TENM4: variants seen among roughly 807,000 people sequenced by gnomAD.
TENM4 encodes the protein teneurin-4.
Under a neutral mutation model 243.3 loss-of-function variants are expected in TENM4, and 82 were observed. The ratio of observed to expected loss-of-function variants is 0.34; its 90% CI spans 0.28 to 0.40. The LOEUF (loss-of-function observed/expected upper bound fraction) is 0.40, where lower values mean the gene tolerates loss of function less well. TENM4 is among the 10% of genes least tolerant of loss of function. The pLI, the probability that TENM4 is intolerant of heterozygous loss-of-function variation, is 1.00. For synonymous variants in TENM4, 1,412 were observed against 1,456.3 expected (o/e 0.97, Z 0.69); for missense variants, 3,138 against 3,673.3 (o/e 0.85, Z 3.77).
chr11:79,010,653 A>C (rs886719879), intron 6 of TENM4, among the ~76,000 whole-genome samples: 6 of 152,158 alleles, frequency 3.9e-5, no homozygotes, highest in African/African-American at 1.4e-4. Flanking sequence ...CCCCCTTATT[A>C]AACCTTCAGA....
intron 24 of TENM4, among the ~76,000 whole-genome samples, chr11:78,721,886 C>T (rs763073888): frequency 6.6e-6 from 1 of 152,106 alleles, no homozygotes; most frequent in Non-Finnish European, 1.5e-5. Flanking sequence ...GACCCCTAAG[C>T]CCACCCTATG....
intron 1 of TENM4, among the ~76,000 whole-genome samples, chr11:79,429,706 C>T (rs1294063952): frequency 6.6e-6 from 1 of 152,152 alleles, no homozygotes; most frequent in Non-Finnish European, 1.5e-5. Flanking sequence ...ATGGACTTAA[C>T]TGCAATATAT....
At chr11:79,083,561 A>G (rs1301467349) in intron 4 of TENM4, among the ~76,000 whole-genome samples, 1 of 152,140 alleles carries the variant, frequency 6.6e-6, no homozygotes, top group Admixed American at 6.5e-5. Flanking sequence ...CCCTTGTTTG[A>G]GCTCCCGTGA....
intron 4 of TENM4, among the ~76,000 whole-genome samples, chr11:79,091,502 A>T (rs1860948754): frequency 6.6e-6 from 1 of 152,158 alleles, no homozygotes; most frequent in Admixed American, 6.5e-5. Context: ...CTAAAAAGCA[A>T]ATCAGACCAC....
Position 78,864,124 on chromosome 11 carries a change from A to G in TENM4, c.1085-992T>C, listed in dbSNP as rs937712602. Among the ~76,000 whole-genome samples the G allele has an allele frequency of 3.9e-5, 6 of 152,226 alleles. No homozygotes were observed. The East Asian group carries it at 9.6e-4, about 24-fold the overall frequency. On this transcript the variant is annotated intron_variant, in intron 9 of 33. Transcript: ENST00000278550. ...ATGTATAAAATATTTCTGGTAGAATATGAAAGACTGGTAACAGTAGCTGTG... is the reference window on the plus strand; with the variant it reads ...ATGTATAAAATATTTCTGGTAGAATGTGAAAGACTGGTAACAGTAGCTGTG...
intron 32 of TENM4, among the ~76,000 whole-genome samples, chr11:78,667,485 C>T (rs2135661100): frequency 6.6e-6 from 1 of 152,282 alleles, no homozygotes; most frequent in African/African-American, 2.4e-5. Context: ...ATGCCTTTCT[C>T]CCCCATTACC....
chr11:79,237,178 G>A (rs530110461), intron 2 of TENM4, among the ~76,000 whole-genome samples: 1 of 147,920 alleles, frequency 6.8e-6, no homozygotes, highest in East Asian at 1.9e-4. Flanking sequence ...TCCTTAAAGA[G>A]AAGAGATTTT....
intron 2 of TENM4, among the ~76,000 whole-genome samples, chr11:79,286,688 TA>T (rs1023854895): frequency 6.6e-6 from 1 of 151,980 alleles, no homozygotes; most frequent in African/African-American, 2.4e-5. Flanking sequence ...AATTTTTTTT[TA>T]AATAGAAGTG....
chr11:78,993,533 G>T (rs1858095619), intron 6 of TENM4, among the ~76,000 whole-genome samples: 1 of 152,104 alleles, frequency 6.6e-6, no homozygotes, highest in Admixed American at 6.5e-5. Context: ...GGTCACTGAA[G>T]TTCTGTTCAT....
At chr11:79,091,318 A>G (rs1860943708) in intron 4 of TENM4, among the ~76,000 whole-genome samples, 1 of 152,164 alleles carries the variant, frequency 6.6e-6, no homozygotes, top group African/African-American at 2.4e-5. Context: ...TTCTCATTTA[A>G]GAAGTCCGTC....
chr11:79,013,180 T>G (rs767338175), intron 6 of TENM4, among the ~76,000 whole-genome samples: 4 of 152,164 alleles, frequency 2.6e-5, no homozygotes, highest in Non-Finnish European at 5.9e-5. Context: ...CGAGAGCTGG[T>G]TAAGTGCTTC....
chr11:79,109,025 T>C (rs1265266438), intron 4 of TENM4, among the ~76,000 whole-genome samples: 1 of 152,158 alleles, frequency 6.6e-6, no homozygotes, highest in Non-Finnish European at 1.5e-5. Flanking sequence ...TCCTCGATTT[T>C]ATGAAGCCAG....
chr11:79,036,002 A>T (rs1248063047), intron 6 of TENM4, among the ~76,000 whole-genome samples: 2 of 152,202 alleles, frequency 1.3e-5, no homozygotes, highest in Non-Finnish European at 2.9e-5. Context: ...AGCCTCTTGA[A>T]TCATCTTTTT....
chr11:79,419,351 G>T (rs370037740), intron 1 of TENM4, among the ~76,000 whole-genome samples: 1 of 152,106 alleles, frequency 6.6e-6, no homozygotes, highest in African/African-American at 2.4e-5. Context: ...CAGGGCAGTC[G>T]AGCTGTTCAC....
At chr11:79,036,019 T>C (rs1293681624) in intron 6 of TENM4, among the ~76,000 whole-genome samples, 1 of 152,226 alleles carries the variant, frequency 6.6e-6, no homozygotes, top group East Asian at 1.9e-4. Context: ...TTTTAGTGTG[T>C]CTGGCCTTAA....
Position 79,399,639 on chromosome 11 carries a change from T to C in TENM4, c.-321+40870A>G, listed in dbSNP as rs530568100. ...TGAATACATTTGTTTATTAATTTGA[T>C]AACTTGATGGATCTTAGTTCTGGTG... On this transcript the variant is annotated intron_variant, in intron 1 of 33. Coordinates refer to ENST00000278550, the MANE Select transcript of TENM4 (RefSeq NM_001098816.3). 3.3e-4 allele frequency among the ~76,000 whole-genome samples: 50 copies of C among 152,090 alleles called. 1 individual carries two copies. The highest frequency in any genetic ancestry group is 3.4e-4 in the Non-Finnish European group (23 of 68,020).
chr11:79,042,743 G>A (rs942312554), intron 6 of TENM4, among the ~76,000 whole-genome samples: 9 of 152,110 alleles, frequency 5.9e-5, no homozygotes, highest in African/African-American at 2.2e-4. Context: ...CATCTATTTA[G>A]TTACCAAATT....
intron 3 of TENM4, among the ~76,000 whole-genome samples, chr11:79,177,528 A>G (rs1188884497): frequency 1.3e-5 from 2 of 152,064 alleles, no homozygotes; most frequent in African/African-American, 4.8e-5. Flanking sequence ...CCCTACTTCA[A>G]TGTTAGAGTC....
At chr11:79,044,037 C>G (rs141305820) in intron 6 of TENM4, among the ~76,000 whole-genome samples, 3 of 152,162 alleles carry the variant, frequency 2.0e-5, no homozygotes, top group Non-Finnish European at 4.4e-5. Context: ...CATCTGGACT[C>G]GGTCCCAAGG....
Sources: gnomAD v4.1 joint callset for allele counts (sites outside exome capture counted in the v4.1 genomes callset) on GRCh38, gnomAD v4.1.1 for gene constraint, MANE v1.5 for transcripts, NCBI Gene and HGNC (gene_info 2026-07-23, HGNC 2026-07-21) for gene names.